Variants in GCSAML observed in about 807,000 individuals in gnomAD.
The protein encoded by GCSAML is germinal center associated signaling and motility like.
GCSAML carries 9 observed loss-of-function variants against 13.0 expected under a neutral mutation model. The ratio of observed to expected loss-of-function variants is 0.69; its 90% CI spans 0.42 to 1.21. The LOEUF is 1.21. Among genes scored for constraint, GCSAML ranks in the 50% most tolerant of loss-of-function variants. GCSAML has a pLI of 0.00. For missense variants in GCSAML, 143 were observed against 153.4 expected, an observed-to-expected ratio of 0.93 and a Z score of 0.36; for synonymous variants, 37 against 52.9, an observed-to-expected ratio of 0.70 and a Z score of 1.31.
intron 1 of GCSAML, among the ~76,000 whole-genome samples, chr1:247,520,066 T>C (rs1322592216): frequency 6.6e-6 from 1 of 152,244 alleles, no homozygotes; most frequent in Admixed American, 6.5e-5. Context: ...TAGTTTTTAC[T>C]TCATATTTTC....
At chr1:247,563,384 G>A (rs1466362072) in intron 2 of GCSAML, among the ~76,000 whole-genome samples, 1 of 152,096 alleles carries the variant, frequency 6.6e-6, no homozygotes, top group East Asian at 1.9e-4. Flanking sequence ...CATGCTATAT[G>A]GAGCTTTGTT....
chr1:247,535,775 A>G (rs1667196187), intron 2 of GCSAML, among the ~76,000 whole-genome samples: 2 of 152,232 alleles, frequency 1.3e-5, no homozygotes, highest in Admixed American at 6.5e-5. Flanking sequence ...CAAGATACTC[A>G]GATTCTTAGT....
chr1:247,539,675 C>A (rs898636776), intron 2 of GCSAML, among the ~76,000 whole-genome samples: 1 of 152,082 alleles, frequency 6.6e-6, no homozygotes, highest in Non-Finnish European at 1.5e-5. Flanking sequence ...AAACATTGAC[C>A]CCTCTCATTT....
chr1:247,537,304 A>T (rs545550497), intron 2 of GCSAML, among the ~76,000 whole-genome samples: 2 of 152,180 alleles, frequency 1.3e-5, no homozygotes, highest in Non-Finnish European at 2.9e-5. Context: ...TCAGTACTTC[A>T]TTCTCTTTTA....
intron 4 of GCSAML, among the ~76,000 whole-genome samples, chr1:247,572,889 A>C (rs1668675084): frequency 6.6e-6 from 1 of 152,134 alleles, no homozygotes; most frequent in Non-Finnish European, 1.5e-5. Flanking sequence ...AAATATAGAG[A>C]GGCAGTCTGG....
intron 2 of GCSAML, among the ~76,000 whole-genome samples, chr1:247,557,913 G>A (rs971541883): frequency 3.3e-5 from 5 of 152,108 alleles, no homozygotes; most frequent in Non-Finnish European, 4.4e-5. Context: ...TTTAACTTAC[G>A]CATAAACTAG....
intron 2 of GCSAML, chr1:247,532,262 C>G: frequency 2.5e-6 from 4 of 1,614,158 alleles, no homozygotes; most frequent in Non-Finnish European, 3.4e-6. Flanking sequence ...CAGAGGTTAG[C>G]CAGGAGCTGT....
intron 1 of GCSAML, chr1:247,525,722 T>C (rs552523149): frequency 2.0e-5 from 3 of 152,308 alleles, no homozygotes; most frequent in South Asian, 2.1e-4. Flanking sequence ...TCACTGGCCA[T>C]TGGTGTTCTG....
At chr1:247,563,378 C>A (rs55726783) in intron 2 of GCSAML, among the ~76,000 whole-genome samples, 11,912 of 152,132 alleles carry the variant, frequency 0.078, 642 homozygotes, top group African/African-American at 0.15. Flanking sequence ...TAGCTTCATG[C>A]TATATGGAGC....
chr1:247,571,949 G>A (rs1305360308), intron 4 of GCSAML, among the ~76,000 whole-genome samples: 1 of 151,792 alleles, frequency 6.6e-6, no homozygotes, highest in Non-Finnish European at 1.5e-5. Flanking sequence ...ATTTCATTAA[G>A]TTGATCTTCT....
upstream of GCSAML, chr1:247,548,961 T>C (rs904474102): frequency 7.8e-6 from 8 of 1,028,354 alleles, no homozygotes; most frequent in South Asian, 4.6e-5. This position sits in a 1 kb window ranked among gnomAD's most constrained non-coding sequence, Gnocchi z 5.3. Context: ...TGTGTGTGTG[T>C]GCGTGCAGGC....
In GCSAML at chr1:247,574,106, G is replaced by A. The variant is rs777589582; in HGVS notation, c.169-37G>A. On this transcript the variant is annotated intron_variant, in intron 4 of 4. Transcript: ENST00000366488. ...CACTGAGTTCAATTTATGAATGACC[G>A]TGGATCCTTGATTTCTTTTCTCTTT... The A allele has an allele frequency of 4.1e-5, 66 of 1,610,176 alleles. No homozygotes were observed. The East Asian group carries it at 6.0e-4, about 15-fold the overall frequency.
At chr1:247,564,044 CT>C (rs528774243) in intron 3 of GCSAML, among the ~76,000 whole-genome samples, 7 of 152,106 alleles carry the variant, frequency 4.6e-5, no homozygotes, top group African/African-American at 1.7e-4. Flanking sequence ...AGTGATTTTC[CT>C]GCCTCAGCCT....
At chr1:247,511,926 G>C (rs1167912842) in intron 1 of GCSAML, among the ~76,000 whole-genome samples, 4 of 152,140 alleles carry the variant, frequency 2.6e-5, no homozygotes, top group African/African-American at 9.7e-5. Flanking sequence ...CTTTCTCTCT[G>C]ACTGCCCTTA....
intron 1 of GCSAML, among the ~76,000 whole-genome samples, chr1:247,511,216 T>C (rs567304989): frequency 6.6e-6 from 1 of 152,224 alleles, no homozygotes; most frequent in African/African-American, 2.4e-5. Context: ...ATTGGGTGCA[T>C]ATATATTCAG....
chr1:247,566,001 CT>C, intron 4 of GCSAML, 42 bp downstream of exon 4: 2 of 1,427,036 alleles, frequency 1.4e-6, no homozygotes, highest in Non-Finnish European at 1.9e-6. Context: ...AAAACACAAA[CT>C]TTTATTATGT....
intron 4 of GCSAML, among the ~76,000 whole-genome samples, chr1:247,573,291 A>G (rs1668698184): frequency 6.6e-6 from 1 of 152,116 alleles, no homozygotes; most frequent in African/African-American, 2.4e-5. Flanking sequence ...ACCCAGTTTT[A>G]TGCTTGAAAC....
chr1:247,522,708 A>T (rs924171943), intron 1 of GCSAML, among the ~76,000 whole-genome samples: 2 of 152,170 alleles, frequency 1.3e-5, no homozygotes, highest in African/African-American at 4.8e-5. Context: ...CAGATGCTTG[A>T]AGGCAGCATG....
intron 4 of GCSAML, among the ~76,000 whole-genome samples, chr1:247,567,507 T>G (rs1468900296): frequency 6.6e-6 from 1 of 152,202 alleles, no homozygotes; most frequent in East Asian, 1.9e-4. Flanking sequence ...GACCATAAAC[T>G]TATTCTTTTT....
Sources: gnomAD v4.1 joint callset for allele counts (sites outside exome capture counted in the v4.1 genomes callset) on GRCh38, gnomAD v4.1.1 for gene constraint, Gnocchi (gnomAD v3.1) non-coding constraint, MANE v1.5 for transcripts, NCBI Gene and HGNC (gene_info 2026-07-23, HGNC 2026-07-21) for gene names.